The following DOCK4 variants were observed in gnomAD, a reference collection of about 807,000 sequenced individuals.
DOCK4 encodes dedicator of cytokinesis protein 4.
DOCK4 carries 97 observed loss-of-function variants against 268.1 expected under a neutral mutation model. The observed-to-expected ratio is 0.36, with a 90% CI of 0.31 to 0.43. DOCK4 has a LOEUF of 0.43. Among genes scored for constraint, DOCK4 ranks in the 20% least tolerant of loss-of-function variants. DOCK4 has a pLI of 1.00. For synonymous variants in DOCK4, 954 were observed against 887.2 expected, an observed-to-expected ratio of 1.08 and a Z score of -1.34; for missense variants, 2,145 against 2,455.7, an observed-to-expected ratio of 0.87 and a Z score of 2.67.
chr7:112,183,191 C>T (rs1819205583), intron 1 of DOCK4, among the ~76,000 whole-genome samples: 1 of 152,112 alleles, frequency 6.6e-6, no homozygotes, highest in Non-Finnish European at 1.5e-5. Flanking sequence ...CAACCAATTG[C>T]CAATTGAGTA....
Position 111,918,561 on chromosome 7 carries a change from C to T in DOCK4, c.1067-2657G>A, listed in dbSNP as rs185460060. 6.2e-4 allele frequency among the ~76,000 whole-genome samples: 94 copies of T among 152,296 alleles called. 1 individual carries two copies. The highest frequency in any genetic ancestry group is 2.2e-3 in the African/African-American group (90 of 41,558). ...CTGGAGGCGGAAGAATGAAGACAAG[C>T]GAACATGTGTTATGATCCATCTGTC... On this transcript the variant is annotated intron_variant, in intron 12 of 52. Coordinates refer to ENST00000428084, the MANE Select transcript of DOCK4 (RefSeq NM_001363540.2).
In DOCK4 at chr7:111,726,290, C is replaced by G. The variant is rs1794651146; in HGVS notation, c.*1984G>C. ...CCAAAATTTTTTTTAAAAAATGGCT[C>G]CAAGAGCAAATAACACTGATTTATA... On this transcript the variant is annotated 3_prime_UTR_variant, in exon 53 of 53. Coordinates refer to ENST00000428084, the MANE Select transcript of DOCK4 (RefSeq NM_001363540.2). The G allele has an allele frequency of 6.6e-6, 1 of 152,438 alleles. No individual in the cohort carries two copies. Among genetic ancestry groups the G allele is most frequent in the Admixed American group, 6.6e-5 (1 of 15,242 alleles). The allele number at this position is 152,438 out of a possible 1,614,324, so 9.4% of individuals were successfully genotyped here.
chr7:111,774,035 A>C (rs1235974704), intron 36 of DOCK4, among the ~76,000 whole-genome samples: 2 of 152,018 alleles, frequency 1.3e-5, no homozygotes, highest in Non-Finnish European at 2.9e-5. Flanking sequence ...AGAAAAGAAA[A>C]GAAAAGAAAA....
chr7:111,912,114 T>C (rs963464628), intron 13 of DOCK4, among the ~76,000 whole-genome samples: 1 of 152,218 alleles, frequency 6.6e-6, no homozygotes, highest in Non-Finnish European at 1.5e-5. Flanking sequence ...AATTACAAAA[T>C]GGTGCAATGG....
chr7:111,932,055 T>C (rs1241856139), intron 12 of DOCK4, among the ~76,000 whole-genome samples: 2 of 152,220 alleles, frequency 1.3e-5, no homozygotes, highest in African/African-American at 2.4e-5. Context: ...TGTTAGAGTC[T>C]ATCTAGAGAT....
At chr7:111,922,320 C>T (rs1793209028) in intron 12 of DOCK4, among the ~76,000 whole-genome samples, 2 of 151,896 alleles carry the variant, frequency 1.3e-5, no homozygotes, top group South Asian at 4.2e-4. Flanking sequence ...TTCTTATTTG[C>T]TTATTTATCT....
chr7:111,986,118 T>A lies in DOCK4; in HGVS notation c.465-1728A>T, dbSNP rs562898705. ...GGTAAGCACCTGACCTAAGGACAAA[T>A]AACCCAAAGACTGGCCAGCAGCTTA... On this transcript the variant is annotated intron_variant, in intron 6 of 52. Coordinates refer to ENST00000428084, the MANE Select transcript of DOCK4 (RefSeq NM_001363540.2). 1.0e-3 allele frequency among the ~76,000 whole-genome samples: 158 copies of A among 152,232 alleles called. 2 individuals are homozygous for A. Among genetic ancestry groups the A allele is most frequent in the African/African-American group, 3.8e-3 (157 of 41,552 alleles).
chr7:112,013,991 T>C (rs1801590005), intron 1 of DOCK4, among the ~76,000 whole-genome samples: 1 of 152,132 alleles, frequency 6.6e-6, no homozygotes. Context: ...ACTCAACAAG[T>C]GTCAGTTAAA....
rs776212427 is a variant in DOCK4 at position 111,788,714 on chromosome 7, G to A, written c.3349C>T (p.Leu1117=). Residue 1117 remains leucine, a synonymous_variant, in exon 32 of 53, where the codon CTG becomes TTG. Transcript: ENST00000428084. Reference sequence around the variant, plus strand: ...TCGTCACCTTTGCCTTCTGACATCAGGCTATCCAGTTTGTCAATTAGCTTG... The same window carrying A: ...TCGTCACCTTTGCCTTCTGACATCAAGCTATCCAGTTTGTCAATTAGCTTG... ...EAKLIDKLDS[L]MSEGKGDETY... 2.9e-5 allele frequency: 46 copies of A among 1,593,602 alleles called. No homozygotes were observed. Among genetic ancestry groups the A allele is most frequent in the Non-Finnish European group, 3.9e-5 (46 of 1,168,892 alleles).
At chr7:111,912,082 C>T (rs572458847) in intron 13 of DOCK4, among the ~76,000 whole-genome samples, 1 of 152,294 alleles carries the variant, frequency 6.6e-6, no homozygotes, top group Non-Finnish European at 1.5e-5. Flanking sequence ...GCCTTCCTTG[C>T]ATGAAGGAAT....
Position 111,758,687 on chromosome 7 carries a change from G to C in DOCK4, c.4266C>G (p.Ile1422Met). 1 of 1,614,018 alleles carries C rather than the reference G, an allele frequency of 6.2e-7. No individual in the cohort carries two copies. ...NIKSFYKVNH[I>M]WKFRYDRPFH... ...ATGGTCGGTCATAGCGGAATTTCCA[G>C]ATGTGATTCACTTTATAGAAGCTTT... Residue 1422 changes from isoleucine (I) to methionine (M), a missense_variant, in exon 41 of 53, where the codon ATC becomes ATG. Physicochemically the swap from Ile to Met is conservative, Grantham distance 10. This residue lies in a region of DOCK4 where 1,598 missense variants were observed against 1,986.7 expected (regional missense o/e 0.80). Transcript: ENST00000428084.
intron 1 of DOCK4, among the ~76,000 whole-genome samples, chr7:112,018,930 G>A (rs1802091796): frequency 6.6e-6 from 1 of 152,162 alleles, no homozygotes; most frequent in South Asian, 2.1e-4. Flanking sequence ...TGGTTCAAAT[G>A]ATAATTTTGC....
At chr7:112,135,445 T>C (rs1814239641) in intron 1 of DOCK4, among the ~76,000 whole-genome samples, 1 of 152,186 alleles carries the variant, frequency 6.6e-6, no homozygotes, top group African/African-American at 2.4e-5. Flanking sequence ...ATGGAAAGAC[T>C]ACATAAGACA....
chr7:111,844,834 T>C lies in DOCK4; in HGVS notation c.2665A>G (p.Thr889Ala). ...GGTCGGCTGGTGATCTCCAATATGG[T>C]CCTCAGCAGAATATCCAGCAAGCTG... is the stretch of plus-strand genomic sequence containing the variant. The part of the protein sequence containing the change: ...VASLLDILLR[T>A]ILEITSRPQP... Residue 889 changes from threonine (T) to alanine (A), a missense_variant, in exon 25 of 53, where the codon ACC becomes GCC. Transcript: ENST00000428084. The C allele has an allele frequency of 6.2e-7, 1 of 1,613,580 alleles. No homozygotes were observed. The highest frequency in any genetic ancestry group is 1.3e-5 in the African/African-American group (1 of 75,002).
chr7:111,950,515 A>C (rs1036798998), intron 8 of DOCK4, among the ~76,000 whole-genome samples: 25 of 152,232 alleles, frequency 1.6e-4, no homozygotes, highest in African/African-American at 5.8e-4. Context: ...CAGGCCCATG[A>C]GTATTAACCT....
chr7:111,876,454 T>C (rs1379558854), intron 17 of DOCK4, among the ~76,000 whole-genome samples: 2 of 152,094 alleles, frequency 1.3e-5, no homozygotes, highest in Admixed American at 6.5e-5. Flanking sequence ...GAATATAACT[T>C]ATTTAATATA....
intron 1 of DOCK4, among the ~76,000 whole-genome samples, chr7:112,142,623 A>G (rs545246702): frequency 1.8e-4 from 27 of 152,334 alleles, no homozygotes; most frequent in African/African-American, 6.0e-4. Flanking sequence ...AATGATCCCC[A>G]GAGTGCCTAC....
At chr7:111,745,439 T>C (rs878990343) in intron 44 of DOCK4, among the ~76,000 whole-genome samples, 1 of 151,622 alleles carries the variant, frequency 6.6e-6, no homozygotes, top group Non-Finnish European at 1.5e-5. Context: ...TCCCAGCACT[T>C]TGGGAGGCTG....
chr7:111,981,596 G>A lies in DOCK4; in HGVS notation c.549+2710C>T, dbSNP rs548532344. Among the ~76,000 whole-genome samples the A allele has an allele frequency of 3.3e-5, 5 of 152,284 alleles. No homozygotes were observed. In the South Asian group the frequency reaches 1.0e-3, roughly 32 times the overall value. On this transcript the variant is annotated intron_variant, in intron 7 of 52. Transcript: ENST00000428084. ...AAAGAAAAGCACATGCTCTTCTGAA[G>A]CTTATAACTATTTGAGTTGTTTTTG... is the stretch of plus-strand genomic sequence containing the variant.
Sources: gnomAD v4.1 joint callset for allele counts (sites outside exome capture counted in the v4.1 genomes callset) on GRCh38, gnomAD v4.1.1 for gene constraint, gnomAD v4.1.1 regional missense constraint, MANE v1.5 for transcripts, NCBI Gene and HGNC (gene_info 2026-07-23, HGNC 2026-07-21) for gene names.